Variants in CNTNAP5 observed in about 807,000 individuals in gnomAD.
The protein encoded by CNTNAP5 is contactin-associated protein-like 5.
Under a neutral mutation model 150.2 loss-of-function variants are expected in CNTNAP5, and 72 were observed. The observed-to-expected ratio is 0.48, with a 90% CI of 0.40 to 0.58. The LOEUF is 0.58. Among genes scored for constraint, CNTNAP5 ranks in the 20% least tolerant of loss-of-function variants. The probability of loss-of-function intolerance (pLI) is 0.00; values close to 1 mark genes in which losing one functional copy is unlikely to be tolerated. For synonymous variants in CNTNAP5, 672 were observed against 619.8 expected (o/e 1.08, Z -1.25); for missense variants, 1,636 against 1,626.2 (o/e 1.01, Z -0.10).
At chr2:124,807,268 G>T (rs952006728) in intron 19 of CNTNAP5, among the ~76,000 whole-genome samples, 1 of 152,082 alleles carries the variant, frequency 6.6e-6, no homozygotes, top group Non-Finnish European at 1.5e-5. Context: ...TTGACCTCTC[G>T]ATGTTAAGAA....
At chr2:124,537,876 G>A (rs1031980495) in intron 10 of CNTNAP5, among the ~76,000 whole-genome samples, 4 of 152,030 alleles carry the variant, frequency 2.6e-5, no homozygotes, top group East Asian at 1.9e-4. Context: ...GCATATGGAC[G>A]GGCACAAAAG....
intron 4 of CNTNAP5, among the ~76,000 whole-genome samples, chr2:124,431,530 AAATTTCTTTATATAAATATTATATAT>A (rs1692381481): frequency 8.7e-6 from 1 of 114,384 alleles, no homozygotes; most frequent in Non-Finnish European, 1.8e-5. Flanking sequence ...TATATATATA[AAATTTCTTTATATAAATATTATATAT>A]AATTTCTTTA....
chr2:124,816,007 A>G (rs1000555641), intron 19 of CNTNAP5, among the ~76,000 whole-genome samples: 3 of 152,334 alleles, frequency 2.0e-5, no homozygotes, highest in Middle Eastern at 3.4e-3. Flanking sequence ...CAAATTGGTC[A>G]TTACTGAGAA....
chr2:124,744,384 A>G (rs986782255), intron 13 of CNTNAP5, among the ~76,000 whole-genome samples: 2 of 152,160 alleles, frequency 1.3e-5, no homozygotes, highest in African/African-American at 2.4e-5. Flanking sequence ...TTCTTTATAA[A>G]TTACCCAGTC....
At chr2:124,478,319 G>T (rs1486532706) in intron 7 of CNTNAP5, among the ~76,000 whole-genome samples, 1 of 152,120 alleles carries the variant, frequency 6.6e-6, no homozygotes, top group Admixed American at 6.5e-5. Flanking sequence ...TTAATTGGCA[G>T]TATTGTTAAT....
chr2:124,229,075 A>ACTCAGGTAGACTCATGT (rs1286494378), intron 2 of CNTNAP5, among the ~76,000 whole-genome samples: 2 of 152,090 alleles, frequency 1.3e-5, no homozygotes, highest in African/African-American at 4.8e-5. Flanking sequence ...TGTGCTCAGA[A>ACTCAGGTAGACTCATGT]CTCAGGTAGA....
chr2:124,522,629 G>A (rs1258424902), intron 8 of CNTNAP5, among the ~76,000 whole-genome samples: 1 of 152,222 alleles, frequency 6.6e-6, no homozygotes, highest in Non-Finnish European at 1.5e-5. Context: ...CAGAGATGCT[G>A]ATGGAATTGG....
chr2:124,616,907 G>A (rs1223987587), intron 12 of CNTNAP5, among the ~76,000 whole-genome samples: 2 of 152,022 alleles, frequency 1.3e-5, no homozygotes, highest in African/African-American at 4.8e-5. Context: ...CCTTATATGG[G>A]TGCAGTTCAT....
intron 3 of CNTNAP5, among the ~76,000 whole-genome samples, chr2:124,360,955 G>A (rs1314212546): frequency 1.4e-5 from 2 of 143,426 alleles, no homozygotes; most frequent in East Asian, 2.1e-4. Flanking sequence ...CCAATCAGAT[G>A]TAGATTTGGT....
intron 12 of CNTNAP5, among the ~76,000 whole-genome samples, chr2:124,614,038 A>G (rs752263405): frequency 2.6e-5 from 4 of 152,210 alleles, no homozygotes; most frequent in Non-Finnish European, 5.9e-5. Flanking sequence ...TTCCAGAGGA[A>G]CACACACTTG....
chr2:124,202,065 C>T (rs1474201476), intron 1 of CNTNAP5, among the ~76,000 whole-genome samples: 4 of 152,058 alleles, frequency 2.6e-5, no homozygotes, highest in Non-Finnish European at 4.4e-5. Context: ...ATTATTGTTA[C>T]AATGTAAATC....
chr2:124,681,672 G>T (rs899186575), intron 13 of CNTNAP5, among the ~76,000 whole-genome samples: 21 of 151,982 alleles, frequency 1.4e-4, no homozygotes, highest in Admixed American at 1.4e-3. Context: ...CAAGCTATTC[G>T]CCTGCCTCAG....
intron 8 of CNTNAP5, among the ~76,000 whole-genome samples, chr2:124,520,067 C>G (rs1303106375): frequency 6.6e-6 from 1 of 152,118 alleles, no homozygotes; most frequent in Non-Finnish European, 1.5e-5. Flanking sequence ...ATCTGTGATT[C>G]TGTCATTCTA....
rs1683018549 is a variant in CNTNAP5, at chr2:124,845,005, C to T, written c.3218-20301C>T. Among the ~76,000 whole-genome samples the T allele has an allele frequency of 2.6e-5, 4 of 152,044 alleles. No homozygotes were observed. In the South Asian group the frequency reaches 8.3e-4, roughly 32 times the overall value. On this transcript the variant is annotated intron_variant, in intron 19 of 23. Coordinates refer to ENST00000682447, the MANE Select transcript of CNTNAP5 (RefSeq NM_001367498.1). ...GTCTGATTGCTGTGGCTAGGACTTC[C>T]ATTACTATGTTAAATAGAAGTGGTA...
intron 1 of CNTNAP5, among the ~76,000 whole-genome samples, chr2:124,202,516 AC>A (rs1685752734): frequency 1.3e-5 from 2 of 152,202 alleles, no homozygotes; most frequent in Admixed American, 1.3e-4. Context: ...GACGGGGCCA[AC>A]TTCAGGAGTG....
Position 124,789,902 on chromosome 2 carries a change from G to T in CNTNAP5, c.2753G>T (p.Gly918Val). Residue 918 changes from glycine (G) to valine (V), a missense_variant and splice_region_variant, in exon 18 of 24, where the codon GGG becomes GTG. By Grantham distance (109) the Gly-to-Val change is moderately radical. Coordinates refer to ENST00000682447, the MANE Select transcript of CNTNAP5 (RefSeq NM_001367498.1). ...RLQLNSQLFV[G>V]GTSSRQKGFL... ...TGTTTCCTTTTATTTAACCTCTTAG[G>T]GGGAACGTCATCCAGACAGAAAGGC... 1 of 1,612,940 alleles carries T rather than the reference G, an allele frequency of 6.2e-7. No individual in the cohort carries two copies. Among genetic ancestry groups the T allele is most frequent in the South Asian group, 1.1e-5 (1 of 91,046 alleles).
chr2:124,868,893 G>A (rs1384785667), intron 20 of CNTNAP5, among the ~76,000 whole-genome samples: 1 of 152,094 alleles, frequency 6.6e-6, no homozygotes, highest in African/African-American at 2.4e-5. Flanking sequence ...CATAGTCAGA[G>A]TAGAGCCTGG....
intron 13 of CNTNAP5, among the ~76,000 whole-genome samples, chr2:124,698,298 A>T (rs780374086): frequency 6.6e-6 from 1 of 151,782 alleles, no homozygotes; most frequent in Non-Finnish European, 1.5e-5. Flanking sequence ...TGCTTCAAAC[A>T]GGCCTCATTC....
chr2:124,057,116 A>G (rs1208847512), intron 1 of CNTNAP5, among the ~76,000 whole-genome samples: 1 of 152,052 alleles, frequency 6.6e-6, no homozygotes, highest in East Asian at 1.9e-4. Flanking sequence ...ATTGGGAAGG[A>G]CCCAGGTATG....
Sources: gnomAD v4.1 joint callset for allele counts (sites outside exome capture counted in the v4.1 genomes callset) on GRCh38, gnomAD v4.1.1 for gene constraint, MANE v1.5 for transcripts, NCBI Gene and HGNC (gene_info 2026-07-23, HGNC 2026-07-21) for gene names.